The following AHCY variants were observed in gnomAD, a reference collection of about 807,000 sequenced individuals.
AHCY encodes adenosylhomocysteinase.
In AHCY, 24 loss-of-function variants were observed where a neutral mutation model predicts 45.4. The observed-to-expected ratio is 0.53, with a 90% confidence interval of 0.38 to 0.74. The LOEUF (loss-of-function observed/expected upper bound fraction) is 0.74. Among genes scored for constraint, AHCY ranks in the 30% least tolerant of loss-of-function variants. AHCY has a pLI of 0.00. For synonymous variants in AHCY, 245 were observed against 235.1 expected, an observed-to-expected ratio of 1.04 and a Z score of -0.39; for missense variants, 449 against 594.1, an observed-to-expected ratio of 0.76 and a Z score of 2.54.
downstream of AHCY, among the ~76,000 whole-genome samples, chr20:34,275,980 T>C (rs1601627985): frequency 6.6e-6 from 1 of 152,130 alleles, no homozygotes; most frequent in East Asian, 1.9e-4. Flanking sequence ...TGTGAGCTGC[T>C]GCACCCGGTC....
upstream of AHCY, among the ~76,000 whole-genome samples, chr20:34,303,956 A>C (rs1325891748): frequency 6.6e-6 from 1 of 152,170 alleles, no homozygotes; most frequent in Non-Finnish European, 1.5e-5. Context: ...CTATCATCCC[A>C]CCACAGCACT....
chr20:34,301,956 C>A (rs1439392506), intron 1 of AHCY: 9 of 985,186 alleles, frequency 9.1e-6, no homozygotes, highest in Non-Finnish European at 1.1e-5. Context: ...GCAAGTGTTT[C>A]CATAAATGTG....
chr20:34,266,994 T>C, the AHCY span, among the ~76,000 whole-genome samples: 2 of 152,198 alleles, frequency 1.3e-5, no homozygotes, highest in African/African-American at 4.8e-5. Context: ...AGGTAGGATC[T>C]GGCACTGTGT....
At chr20:34,235,832 A>G in the AHCY span, among the ~76,000 whole-genome samples, 1,196 of 67,196 alleles carry the variant, frequency 0.018, 111 homozygotes, top group African/African-American at 0.14. Context: ...AAAGAAAGAA[A>G]GAAAGAAAGA....
chr20:34,288,885 T>A (rs1362630870), intron 8 of AHCY, among the ~76,000 whole-genome samples: 1 of 152,158 alleles, frequency 6.6e-6, no homozygotes, highest in Non-Finnish European at 1.5e-5. Context: ...ACACCCCCTA[T>A]AAGAACTCAT....
At chr20:34,287,676 G>A (rs2036233861) in intron 8 of AHCY, among the ~76,000 whole-genome samples, 1 of 151,866 alleles carries the variant, frequency 6.6e-6, no homozygotes, top group South Asian at 2.1e-4. Context: ...ACAGGTGTGT[G>A]CCACCGTGCC....
intron 9 of AHCY, among the ~76,000 whole-genome samples, chr20:34,283,670 G>C (rs1282475697): frequency 6.6e-6 from 1 of 152,208 alleles, no homozygotes; most frequent in African/African-American, 2.4e-5. Context: ...ACTGGGATTA[G>C]ATGGGGATCA....
the AHCY span, among the ~76,000 whole-genome samples, chr20:34,269,762 T>C: frequency 6.6e-6 from 1 of 151,438 alleles, no homozygotes; most frequent in African/African-American, 2.4e-5. Flanking sequence ...CTGACCAATA[T>C]GGAGAAACCC....
chr20:34,307,527 C>T (rs1480881986), upstream of AHCY, among the ~76,000 whole-genome samples: 4 of 152,130 alleles, frequency 2.6e-5, no homozygotes, highest in South Asian at 2.1e-4. Flanking sequence ...CACATGCCAC[C>T]GTGTCCAGCT....
At chr20:34,243,836 G>A in the AHCY span, among the ~76,000 whole-genome samples, 2 of 151,540 alleles carry the variant, frequency 1.3e-5, no homozygotes, top group South Asian at 2.1e-4. Context: ...AGGCCGAGGC[G>A]GGTGGATCAT....
At chr20:34,263,129 C>G in the AHCY span, among the ~76,000 whole-genome samples, 1 of 152,214 alleles carries the variant, frequency 6.6e-6, no homozygotes, top group Non-Finnish European at 1.5e-5. Flanking sequence ...GCTTCCTCTA[C>G]TAGTTAGCCC....
chr20:34,258,759 TG>T, the AHCY span, among the ~76,000 whole-genome samples: 3 of 92,898 alleles, frequency 3.2e-5, no homozygotes, highest in Non-Finnish European at 4.0e-5. Flanking sequence ...ATATAATATA[TG>T]ATATATATAA....
the AHCY span, among the ~76,000 whole-genome samples, chr20:34,253,618 T>C: frequency 1.3e-5 from 2 of 152,014 alleles, no homozygotes; most frequent in African/African-American, 2.4e-5. Flanking sequence ...ATTATAGGCA[T>C]GCACCACCAA....
the AHCY span, among the ~76,000 whole-genome samples, chr20:34,256,846 T>A: frequency 2.6e-5 from 4 of 152,102 alleles, no homozygotes; most frequent in African/African-American, 9.7e-5. Context: ...AGTGGTACAA[T>A]CACAGCTCAC....
chr20:34,248,963 CA>C, the AHCY span, among the ~76,000 whole-genome samples: 3,318 of 129,200 alleles, frequency 0.026, 43 homozygotes, highest in African/African-American at 0.052. Context: ...ACCAAAAATA[CA>C]AAAAAAAAAA....
At chr20:34,294,250 G>A in intron 2 of AHCY, 94 bp from the exon 3 acceptor site, 1 of 1,130,776 alleles carries the variant, frequency 8.8e-7, no homozygotes, top group Non-Finnish European at 1.3e-6. Flanking sequence ...CGGGTAGTGG[G>A]GAGAGGCTTG....
At chr20:34,274,868 C>T in the AHCY span, among the ~76,000 whole-genome samples, 23 of 152,236 alleles carry the variant, frequency 1.5e-4, no homozygotes, top group African/African-American at 5.3e-4. Context: ...GCAGGAGGAT[C>T]GCTTGAGCTC....
chr20:34,275,503 C>G (rs1482633589), downstream of AHCY, among the ~76,000 whole-genome samples: 1 of 151,996 alleles, frequency 6.6e-6, no homozygotes, highest in Non-Finnish European at 1.5e-5. Flanking sequence ...CAGCGAGACT[C>G]AGAATTGTCA....
chr20:34,267,960 T>C, the AHCY span, among the ~76,000 whole-genome samples: 2 of 152,354 alleles, frequency 1.3e-5, no homozygotes, highest in Admixed American at 6.5e-5. Flanking sequence ...ATTTTTGTTG[T>C]GCTAAATCTT....
Sources: allele counts gnomAD v4.1 joint callset (sites outside exome capture counted in the v4.1 genomes callset), GRCh38; gene constraint gnomAD v4.1.1; transcripts MANE v1.5; gene names NCBI Gene and HGNC (gene_info 2026-07-23, HGNC 2026-07-21).